SRCIN1: variants seen among roughly 807,000 people sequenced by gnomAD.
SRCIN1 encodes the protein SRC kinase signaling inhibitor 1, also known as P130Cas-associated protein.
In SRCIN1, 50 loss-of-function variants were observed where a neutral mutation model predicts 116.2. That is an observed-to-expected ratio of 0.43 (90% CI 0.34 to 0.54). The LOEUF is 0.54. Among genes scored for constraint, SRCIN1 ranks in the 20% least tolerant of loss-of-function variants. SRCIN1 has a pLI of 0.02. For missense variants in SRCIN1, 1,446 were observed against 1,672.0 expected, an observed-to-expected ratio of 0.86 and a Z score of 2.36; for synonymous variants, 736 against 750.0, an observed-to-expected ratio of 0.98 and a Z score of 0.30.
chr17:38,596,902 G>C (rs1186286491), intron 1 of SRCIN1, among the ~76,000 whole-genome samples: 1 of 152,084 alleles, frequency 6.6e-6, no homozygotes, highest in Non-Finnish European at 1.5e-5. Context: ...CCTTTAGAAA[G>C]GTTAGAAGTC....
chr17:38,561,853 G>A lies in SRCIN1; in HGVS notation c.1310C>T (p.Thr437Ile), dbSNP rs1408110336. 2.0e-6 allele frequency: 3 copies of A among 1,469,018 alleles called. No homozygotes were observed. The highest frequency in any genetic ancestry group is 2.8e-5 in the East Asian group (1 of 36,204). 91.0% of individuals were successfully genotyped at this position (1,469,018 alleles called of 1,614,324 possible). ...YKRGSVRSLS[T>I]YSAAALQSDL... ...GGACTGCAGCGCGGCGGCCGAGTAG[G>A]TGCTGAGCGAGCGCACCGAGCCGCG... Residue 437 changes from threonine to isoleucine, a missense_variant, in exon 7 of 19, where the codon ACC (threonine) becomes ATC (isoleucine). This residue lies in a region of SRCIN1 where 239 missense variants were observed against 317.7 expected (regional missense o/e 0.75). Coordinates refer to ENST00000617146, the MANE Select transcript of SRCIN1 (RefSeq NM_025248.3).
intron 3 of SRCIN1, among the ~76,000 whole-genome samples, chr17:38,565,597 C>T (rs1416531949): frequency 6.6e-6 from 1 of 152,192 alleles, no homozygotes; most frequent in African/African-American, 2.4e-5. Context: ...ATCATTTATT[C>T]TCCTCTTCAG....
In SRCIN1 at chr17:38,558,421, G is replaced by C. The variant is rs777524721; in HGVS notation, c.2026-19C>G. The C allele has an allele frequency of 6.3e-7, 1 of 1,576,788 alleles. No homozygotes were observed. Among genetic ancestry groups the C allele is most frequent in the Non-Finnish European group, 8.6e-7 (1 of 1,167,642 alleles). ...TCTGTAGCTGCGGGACGCACGGACG[G>C]ATGGACCCGGGTGGGGGGAGCGGAG... is the stretch of plus-strand genomic sequence containing the variant. On this transcript the variant is annotated intron_variant, in intron 10 of 18. Transcript: ENST00000617146. This position sits in a 1 kb window ranked among gnomAD's most constrained non-coding sequence, Gnocchi z 4.6.
At chr17:38,560,740 C>T (rs1906181311) in intron 7 of SRCIN1, among the ~76,000 whole-genome samples, 1 of 152,176 alleles carries the variant, frequency 6.6e-6, no homozygotes, top group Non-Finnish European at 1.5e-5. Context: ...CGCCTCCTTC[C>T]ATACCACCCA....
intron 2 of SRCIN1, among the ~76,000 whole-genome samples, chr17:38,577,720 T>C (rs571062285): frequency 6.6e-6 from 1 of 152,314 alleles, no homozygotes; most frequent in African/African-American, 2.4e-5. Context: ...AGAAAGCATG[T>C]TCTTACAGAC....
At chr17:38,567,819 C>T (rs1226018478) in intron 3 of SRCIN1, among the ~76,000 whole-genome samples, 1 of 152,168 alleles carries the variant, frequency 6.6e-6, no homozygotes, top group Non-Finnish European at 1.5e-5. Context: ...CACAGGGCCT[C>T]CCTGGGAGGT....
intron 1 of SRCIN1, among the ~76,000 whole-genome samples, chr17:38,594,727 C>T (rs556157093): frequency 1.4e-4 from 22 of 152,280 alleles, no homozygotes; most frequent in African/African-American, 3.9e-4. Flanking sequence ...GAAAGTGGCT[C>T]GTCCAGGCTC....
chr17:38,537,807 GA>G (rs1041812219), intron 18 of SRCIN1, among the ~76,000 whole-genome samples: 1 of 131,986 alleles, frequency 7.6e-6, no homozygotes, highest in Non-Finnish European at 1.6e-5. Flanking sequence ...AAAAAAGAAA[GA>G]AAAAAAAATA....
chr17:38,594,881 T>C (rs1908640141), intron 1 of SRCIN1, among the ~76,000 whole-genome samples: 1 of 152,144 alleles, frequency 6.6e-6, no homozygotes, highest in Non-Finnish European at 1.5e-5. Context: ...CCGGGCTGTT[T>C]GATGTCCTCT....
intron 1 of SRCIN1, among the ~76,000 whole-genome samples, chr17:38,595,955 C>T (rs74406959): frequency 0.031 from 4,776 of 152,288 alleles, 229 homozygotes; most frequent in African/African-American, 0.1. Flanking sequence ...CAGGGATAGC[C>T]CCCTCTCCGT....
chr17:38,601,556 G>C (rs1029911135), intron 1 of SRCIN1, among the ~76,000 whole-genome samples: 9 of 152,076 alleles, frequency 5.9e-5, no homozygotes, highest in Non-Finnish European at 1.2e-4. Flanking sequence ...TTTGAGGCAG[G>C]GGAGGAAGAG....
At chr17:38,534,645 C>A (rs73982820) in intron 18 of SRCIN1, among the ~76,000 whole-genome samples, 3 of 152,138 alleles carry the variant, frequency 2.0e-5, no homozygotes, top group Admixed American at 2.0e-4. Flanking sequence ...TTCTCAGATG[C>A]CTTGCAGAGG....
intron 2 of SRCIN1, among the ~76,000 whole-genome samples, chr17:38,569,747 T>C (rs533529996): frequency 6.6e-6 from 1 of 152,270 alleles, no homozygotes; most frequent in Non-Finnish European, 1.5e-5. Context: ...TCCCAGCCAA[T>C]GCTTGGAATC....
At chr17:38,581,910 A>G (rs1048709515) in intron 1 of SRCIN1, among the ~76,000 whole-genome samples, 1 of 151,800 alleles carries the variant, frequency 6.6e-6, no homozygotes, top group Non-Finnish European at 1.5e-5. Flanking sequence ...CTCCTCCTCC[A>G]CTCACCCTCA....
rs533944514 is a variant in SRCIN1 at position 38,591,272 on chromosome 17, CCA to C, written c.23-12483_23-12482del. Among the ~76,000 whole-genome samples, 46 of 152,328 alleles carry C rather than the reference CCA, an allele frequency of 3.0e-4. 1 individual carries two copies. Among genetic ancestry groups the C allele is most frequent in the Admixed American group, 2.7e-3 (42 of 15,310 alleles). ...GGGGTTTCTCCTTCCTTAACATGAG[CCA>C]CAGTCTGTGCCCATGGCCCTCAGGG... is the stretch of plus-strand genomic sequence containing the variant. On this transcript the variant is annotated intron_variant, in intron 1 of 18. Coordinates refer to ENST00000617146, the MANE Select transcript of SRCIN1 (RefSeq NM_025248.3).
intron 18 of SRCIN1, among the ~76,000 whole-genome samples, chr17:38,538,058 CCACTGCACTCCAGCCTGGGTGACAGAG>C (rs1181078137): frequency 1.3e-5 from 2 of 151,250 alleles, no homozygotes. Context: ...TGAGATTGTG[CCACTGCACTCCAGCCTGGGTGACAGAG>C]CGAGGGTCCA....
At chr17:38,574,784 T>C in intron 2 of SRCIN1, 1 of 398,466 alleles carries the variant, frequency 2.5e-6, no homozygotes, top group Non-Finnish European at 4.4e-6. Flanking sequence ...AAAATAAAAG[T>C]CCTGAACATC....
chr17:38,557,327 AG>A (rs1366729847), intron 11 of SRCIN1, among the ~76,000 whole-genome samples: 1 of 152,128 alleles, frequency 6.6e-6, no homozygotes, highest in Non-Finnish European at 1.5e-5. Context: ...TTGAAAAGAG[AG>A]GTGAAAAACT....
intron 2 of SRCIN1, among the ~76,000 whole-genome samples, chr17:38,575,337 C>A (rs1907354496): frequency 6.6e-6 from 1 of 152,182 alleles, no homozygotes; most frequent in African/African-American, 2.4e-5. Context: ...GCAGCCTTAA[C>A]CTCCTGGGCT....
Sources: allele counts gnomAD v4.1 joint callset (sites outside exome capture counted in the v4.1 genomes callset), GRCh38; gene constraint gnomAD v4.1.1; regional missense constraint gnomAD v4.1.1; non-coding constraint Gnocchi (gnomAD v3.1); transcripts MANE v1.5; gene names NCBI Gene and HGNC (gene_info 2026-07-23, HGNC 2026-07-21).